CHRM3: variants seen among roughly 807,000 people sequenced by gnomAD.
The protein encoded by CHRM3 is muscarinic acetylcholine receptor M3.
A neutral mutation model predicts 41.8 loss-of-function variants in CHRM3; 11 were observed. The observed-to-expected ratio is 0.26, with a 90% CI of 0.17 to 0.44. The LOEUF (loss-of-function observed/expected upper bound fraction) is 0.44, where lower values mean the gene tolerates loss of function less well. CHRM3 is among the 20% of genes least tolerant of loss of function. CHRM3 has a pLI of 1.00. For synonymous variants in CHRM3, 297 were observed against 301.4 expected (o/e 0.99, Z 0.15); for missense variants, 571 against 745.4 (o/e 0.77, Z 2.72).
At chr1:239,813,932 A>T (rs983838785) in intron 5 of CHRM3, among the ~76,000 whole-genome samples, 14 of 149,854 alleles carry the variant, frequency 9.3e-5, no homozygotes, top group African/African-American at 3.0e-4. Context: ...AAAAAAAAAA[A>T]AACTCACAGT....
chr1:239,475,500 G>C (rs890043351), intron 1 of CHRM3, among the ~76,000 whole-genome samples: 3 of 152,028 alleles, frequency 2.0e-5, no homozygotes, highest in Non-Finnish European at 4.4e-5. Context: ...AAACTTTTGA[G>C]GTCATCAAAA....
chr1:239,791,039 C>G (rs61606653), intron 5 of CHRM3, among the ~76,000 whole-genome samples: 5,935 of 140,806 alleles, frequency 0.042, 387 homozygotes, highest in African/African-American at 0.15. Flanking sequence ...CTGTAGGAGT[C>G]GCTCCTGGAG....
At chr1:239,430,269 A>G (rs1662727770) in intron 1 of CHRM3, among the ~76,000 whole-genome samples, 1 of 152,028 alleles carries the variant, frequency 6.6e-6, no homozygotes, top group East Asian at 1.9e-4. Flanking sequence ...CCCAGCCCCC[A>G]GACAATCTTT....
intron 4 of CHRM3, among the ~76,000 whole-genome samples, chr1:239,639,346 A>G (rs1670838682): frequency 6.6e-6 from 1 of 152,174 alleles, no homozygotes; most frequent in African/African-American, 2.4e-5. Flanking sequence ...TCTATAAATT[A>G]CCTTGGACAG....
chr1:239,813,597 C>G (rs368236195), intron 5 of CHRM3, among the ~76,000 whole-genome samples: 11 of 152,186 alleles, frequency 7.2e-5, no homozygotes, highest in African/African-American at 2.4e-4. Flanking sequence ...CAGGAAGTCC[C>G]AAGAAAGTGA....
At chr1:239,859,238 C>A (rs1291347404) in intron 6 of CHRM3, among the ~76,000 whole-genome samples, 1 of 152,086 alleles carries the variant, frequency 6.6e-6, no homozygotes, top group African/African-American at 2.4e-5. Flanking sequence ...TTTTTCACAT[C>A]CTCACTAATA....
At chr1:239,855,029 G>C (rs1222759948) in intron 6 of CHRM3, among the ~76,000 whole-genome samples, 1 of 152,102 alleles carries the variant, frequency 6.6e-6, no homozygotes, top group Non-Finnish European at 1.5e-5. Context: ...TTATGCAGTT[G>C]TTTCTGGCAA....
At chr1:239,506,049 A>G (rs919400386) in intron 2 of CHRM3, among the ~76,000 whole-genome samples, 3 of 152,174 alleles carry the variant, frequency 2.0e-5, no homozygotes, top group Non-Finnish European at 2.9e-5. Context: ...TCAAGAGGTG[A>G]CTTGGGTGCT....
chr1:239,795,466 C>A (rs1558129203), intron 5 of CHRM3, among the ~76,000 whole-genome samples: 1 of 152,146 alleles, frequency 6.6e-6, no homozygotes, highest in African/African-American at 2.4e-5. Flanking sequence ...ACCTCAGTGT[C>A]TCTGAGGAAG....
intron 5 of CHRM3, among the ~76,000 whole-genome samples, chr1:239,751,639 A>T (rs1054457456): frequency 6.6e-6 from 1 of 152,144 alleles, no homozygotes; most frequent in Non-Finnish European, 1.5e-5. Flanking sequence ...TAGCTAGTGA[A>T]ACTCCAGAGA....
chr1:239,899,276 A>C (rs112396808), intron 6 of CHRM3, among the ~76,000 whole-genome samples: 1 of 134,598 alleles, frequency 7.4e-6, no homozygotes, highest in African/African-American at 3.1e-5. Flanking sequence ...TTTTGAACTC[A>C]GTGTGTGTGT....
At chr1:239,526,994 A>G (rs1455058382) in intron 2 of CHRM3, among the ~76,000 whole-genome samples, 23 of 152,110 alleles carry the variant, frequency 1.5e-4, no homozygotes, top group Admixed American at 1.5e-3. Flanking sequence ...ATAGTGGTGC[A>G]TGCCTGTGGT....
intron 4 of CHRM3, among the ~76,000 whole-genome samples, chr1:239,657,650 G>A (rs914102900): frequency 2.6e-5 from 4 of 151,994 alleles, no homozygotes; most frequent in South Asian, 2.1e-4. Flanking sequence ...TCCCTCCATC[G>A]GAAATATCTT....
intron 2 of CHRM3, among the ~76,000 whole-genome samples, chr1:239,521,937 G>C (rs781009070): frequency 2.2e-4 from 34 of 152,168 alleles, no homozygotes; most frequent in Admixed American, 9.2e-4. Flanking sequence ...TTTCATATAA[G>C]GGACATGAGC....
chr1:239,816,054 G>C (rs776691152), intron 5 of CHRM3, among the ~76,000 whole-genome samples: 42 of 151,822 alleles, frequency 2.8e-4, no homozygotes, highest in Non-Finnish European at 5.7e-4. Flanking sequence ...AAAAAGAACA[G>C]ACTTCCATGC....
intron 1 of CHRM3, among the ~76,000 whole-genome samples, chr1:239,447,066 G>A (rs1255931794): frequency 6.6e-6 from 1 of 152,128 alleles, no homozygotes; most frequent in African/African-American, 2.4e-5. Context: ...TCAGTACTTT[G>A]CAAATATTAT....
At chr1:239,654,900 T>C (rs1444375028) in intron 4 of CHRM3, among the ~76,000 whole-genome samples, 1 of 152,216 alleles carries the variant, frequency 6.6e-6, no homozygotes, top group Non-Finnish European at 1.5e-5. Context: ...GGACAACAAT[T>C]TGGGACAAGT....
At chr1:239,805,223 C>T (rs537343762) in intron 5 of CHRM3, among the ~76,000 whole-genome samples, 1 of 152,208 alleles carries the variant, frequency 6.6e-6, no homozygotes, top group South Asian at 2.1e-4. Context: ...TCATTCAGAC[C>T]GTGAATCACT....
At chr1:239,777,031 G>A (rs182957756) in intron 5 of CHRM3, among the ~76,000 whole-genome samples, 14 of 152,302 alleles carry the variant, frequency 9.2e-5, no homozygotes, top group Admixed American at 4.6e-4. Flanking sequence ...TGGGGACACA[G>A]GCAAACCATA....
Sources: gnomAD v4.1 joint callset for allele counts (sites outside exome capture counted in the v4.1 genomes callset) on GRCh38, gnomAD v4.1.1 for gene constraint, MANE v1.5 for transcripts, NCBI Gene and HGNC (gene_info 2026-07-23, HGNC 2026-07-21) for gene names.